DST: variants seen among roughly 807,000 people sequenced by gnomAD.
The protein encoded by DST is dystonin, also known as bullous pemphigoid antigen.
A neutral mutation model predicts 875.2 loss-of-function variants in DST; 253 were observed. That is an observed-to-expected ratio of 0.29 (90% CI 0.26 to 0.32). DST has a LOEUF of 0.32. Ranked by LOEUF, DST falls within the 10% of genes least tolerant of loss-of-function variation. DST has a pLI of 1.00. For missense variants in DST, 8,287 were observed against 9,111.6 expected (o/e 0.91, Z 3.68); for synonymous variants, 3,124 against 3,197.1 (o/e 0.98, Z 0.77).
chr6:56,483,219 T>C (rs1013201050), intron 88 of DST, among the ~76,000 whole-genome samples: 1 of 152,210 alleles, frequency 6.6e-6, no homozygotes, highest in East Asian at 1.9e-4. Flanking sequence ...TTCCTTTTCT[T>C]AATGATTCTT....
At chr6:56,645,060 T>G (rs1484665764) in intron 15 of DST, among the ~76,000 whole-genome samples, 1 of 152,224 alleles carries the variant, frequency 6.6e-6, no homozygotes, top group East Asian at 1.9e-4. Context: ...CCACCATGAT[T>G]GTGAGGCCTC....
chr6:56,832,898 T>G (rs1381670589), intron 4 of DST, among the ~76,000 whole-genome samples: 2 of 152,156 alleles, frequency 1.3e-5, no homozygotes, highest in South Asian at 4.1e-4. Flanking sequence ...CACCACCACA[T>G]CCAGCTAATT....
chr6:56,801,731 TA>T lies in DST; in HGVS notation c.625+49665del, dbSNP rs2099747203. 2.0e-5 allele frequency among the ~76,000 whole-genome samples: 3 copies of T among 150,732 alleles called. No individual in the cohort carries two copies. The South Asian group carries it at 6.3e-4, about 31-fold the overall frequency. ...GTATTTAATGTTCTAATCTTACTAA[TA>T]CAAGTCACACAATAATTTTTTTTTT... On this transcript the variant is annotated intron_variant, in intron 4 of 103. Transcript: ENST00000680361.
intron 10 of DST, among the ~76,000 whole-genome samples, chr6:56,655,462 C>T (rs75615091): frequency 0.053 from 8,092 of 152,108 alleles, 664 homozygotes; most frequent in African/African-American, 0.18. Flanking sequence ...CAGTCCAAAT[C>T]GGGATTTTTT....
intron 49 of DST, among the ~76,000 whole-genome samples, chr6:56,579,690 A>G (rs968428410): frequency 6.6e-5 from 10 of 152,180 alleles, no homozygotes; most frequent in Non-Finnish European, 1.5e-4. Flanking sequence ...ATGAGGACAG[A>G]AGAATCACAG....
At chr6:56,817,564 CCTTT>C in intron 4 of DST, among the ~76,000 whole-genome samples, 1 of 152,182 alleles carries the variant, frequency 6.6e-6, no homozygotes, top group African/African-American at 2.4e-5. Context: ...AGTCATATTT[CCTTT>C]GAGTATTTCT....
rs1453615939 is a variant in DST, at chr6:56,572,954, G to C, written c.13347C>G (p.Ala4449=). ...ACCGAGCAGACAAGTCTTTCATTTTGGCTTGCAGTGAGGATGCAGTGGATG... is the reference window on the plus strand; with the variant it reads ...ACCGAGCAGACAAGTCTTTCATTTTCGCTTGCAGTGAGGATGCAGTGGATG... ...TDPSTASSLQ[A]KMKDLSARFS... is the part of the protein sequence containing the mutation. The change falls in exon 52 of 104, where the codon GCC becomes GCG. Residue 4449 remains alanine (A), a synonymous_variant. Transcript: ENST00000680361. The C allele has an allele frequency of 1.9e-6, 3 of 1,612,612 alleles. No homozygotes were observed. The highest frequency in any genetic ancestry group is 1.1e-5 in the South Asian group (1 of 90,826).
At position 56,572,806 on chromosome 6, in the gene DST, C is replaced by A. The variant is rs1260685903; in HGVS notation, c.13495G>T (p.Ala4499Ser). 1 of 1,610,430 alleles carries A rather than the reference C, an allele frequency of 6.2e-7. No individual in the cohort carries two copies. Among genetic ancestry groups the A allele is most frequent in the Non-Finnish European group, 8.5e-7 (1 of 1,178,714 alleles). Residue 4499 changes from alanine to serine, a missense_variant, in exon 52 of 104, where the codon GCT becomes TCT. This residue lies in a region of DST where 1,513 missense variants were observed against 1,677.8 expected (regional missense o/e 0.90). Coordinates refer to ENST00000680361, the MANE Select transcript of DST (RefSeq NM_001374736.1). ...LQTFLETKTQ[A>S]LTEVDVPGKD... Reference sequence around the variant, plus strand: ...CCTGGCACATCTACTTCAGTAAGAGCCTGAGTTTTTGTTTCTAAAAATGTC... The same window carrying A: ...CCTGGCACATCTACTTCAGTAAGAGACTGAGTTTTTGTTTCTAAAAATGTC...
intron 69 of DST, among the ~76,000 whole-genome samples, chr6:56,517,854 T>C (rs1396057531): frequency 6.6e-6 from 1 of 152,168 alleles, no homozygotes; most frequent in Non-Finnish European, 1.5e-5. Flanking sequence ...ACTGCATTAA[T>C]GATTTTAGGA....
intron 9 of DST, among the ~76,000 whole-genome samples, chr6:56,681,824 G>A (rs116057739): frequency 0.025 from 3,767 of 152,176 alleles, 72 homozygotes; most frequent in Non-Finnish European, 0.041. Context: ...GGATTCTCTT[G>A]GTCACTTCTG....
intron 4 of DST, among the ~76,000 whole-genome samples, chr6:56,778,299 A>G (rs2099683666): frequency 1.3e-5 from 2 of 151,382 alleles, no homozygotes; most frequent in South Asian, 4.2e-4. Context: ...ATATTGCAAG[A>G]GGATTACAGG....
intron 3 of DST, among the ~76,000 whole-genome samples, chr6:56,861,588 C>G (rs1771192164): frequency 6.6e-6 from 1 of 152,318 alleles, no homozygotes; most frequent in South Asian, 2.1e-4. Flanking sequence ...CTCAAAGCCC[C>G]CGTATCTGCA....
intron 54 of DST, among the ~76,000 whole-genome samples, chr6:56,569,596 A>G (rs1264354751): frequency 1.3e-5 from 2 of 152,174 alleles, no homozygotes; most frequent in Admixed American, 1.3e-4. Flanking sequence ...ATTTGGTAGG[A>G]AAGGAAACTT....
chr6:56,567,562 A>G (rs114599645), intron 55 of DST, among the ~76,000 whole-genome samples: 3,854 of 152,284 alleles, frequency 0.025, 78 homozygotes, highest in Non-Finnish European at 0.043. Flanking sequence ...TTCTTAAAAA[A>G]AAAACAACAA....
chr6:56,670,425 C>G, intron 10 of DST: 2 of 352,266 alleles, frequency 5.7e-6, no homozygotes, highest in East Asian at 9.4e-5. Flanking sequence ...TCTCGAACTC[C>G]CAGGCTCAAG....
At chr6:56,618,260 C>CA in intron 36 of DST, 1 of 1,614,068 alleles carries the variant, frequency 6.2e-7, no homozygotes, top group Non-Finnish European at 8.5e-7. Flanking sequence ...CCGATGCTGC[C>CA]ACTTCTCTTC....
chr6:56,809,534 T>C (rs911995902), intron 4 of DST, among the ~76,000 whole-genome samples: 2 of 152,168 alleles, frequency 1.3e-5, no homozygotes, highest in Admixed American at 6.5e-5. Context: ...CCAAAGAAAT[T>C]AGAGCCTGCA....
intron 78 of DST, 55 bp from the exon 79 acceptor site, chr6:56,501,748 C>T: frequency 7.8e-7 from 1 of 1,289,418 alleles, no homozygotes; most frequent in Non-Finnish European, 1.1e-6. Context: ...TAACTCCAAA[C>T]AAAGAAATCT....
At chr6:56,816,703 T>C (rs546262520) in intron 4 of DST, among the ~76,000 whole-genome samples, 5 of 152,256 alleles carry the variant, frequency 3.3e-5, no homozygotes, top group Admixed American at 6.5e-5. Context: ...CAGGAGACAC[T>C]CAACAAGCCT....
Sources: allele counts gnomAD v4.1 joint callset (sites outside exome capture counted in the v4.1 genomes callset), GRCh38; gene constraint gnomAD v4.1.1; regional missense constraint gnomAD v4.1.1; transcripts MANE v1.5; gene names NCBI Gene and HGNC (gene_info 2026-07-23, HGNC 2026-07-21).